The following PLAC1 variants were observed in gnomAD, a reference collection of about 807,000 sequenced individuals.
PLAC1 encodes placenta associated 1, also known as placenta-specific protein 1.
For missense variants in PLAC1, 136 were observed against 163.2 expected (o/e 0.83, Z 0.91); for synonymous variants, 68 against 62.1 (o/e 1.09, Z -0.44).
At chrX:134,583,025 G>A (rs993282569) in intron 2 of PLAC1, among the ~76,000 whole-genome samples, 3 of 111,579 alleles carry the variant, frequency 2.7e-5, no homozygotes, top group Admixed American at 9.6e-5. Context: ...GCATCGGGTC[G>A]TTATGATTAT....
At chrX:134,587,941 G>A (rs1236621789) in intron 2 of PLAC1, among the ~76,000 whole-genome samples, 1 of 111,564 alleles carries the variant, frequency 9.0e-6, no homozygotes, top group African/African-American at 3.3e-5. Context: ...AAAAGGGCAC[G>A]TTTCATGCAG....
At chrX:134,760,753 C>A (rs2078767802) in intron 1 of PLAC1, among the ~76,000 whole-genome samples, 1 of 111,574 alleles carries the variant, frequency 9.0e-6, no homozygotes, top group African/African-American at 3.3e-5. Flanking sequence ...CTTTGCAGCT[C>A]CTCACATTCC....
At chrX:134,733,140 G>A (rs780240598) in intron 2 of PLAC1, among the ~76,000 whole-genome samples, 1 of 111,449 alleles carries the variant, frequency 9.0e-6, no homozygotes, top group African/African-American at 3.3e-5. Context: ...AAGAGCCTGA[G>A]AAACCATTTT....
At chrX:134,704,718 C>T (rs748062818) in intron 2 of PLAC1, among the ~76,000 whole-genome samples, 467 of 102,854 alleles carry the variant, frequency 4.5e-3, no homozygotes, top group Non-Finnish European at 7.6e-3. Context: ...TATGGCTGGG[C>T]GCAGTGGCTC....
intron 2 of PLAC1, among the ~76,000 whole-genome samples, chrX:134,719,207 A>G (rs1021746767): frequency 2.0e-4 from 22 of 111,810 alleles, no homozygotes; most frequent in Non-Finnish European, 3.8e-4. Context: ...TGAGTTGTAC[A>G]CTCTGAAATT....
intron 1 of PLAC1, among the ~76,000 whole-genome samples, chrX:134,633,976 G>A (rs892190561): frequency 9.0e-6 from 1 of 111,286 alleles, no homozygotes; most frequent in Non-Finnish European, 1.9e-5. Flanking sequence ...GGAGCATCAG[G>A]TTCTGGTCCA....
intron 1 of PLAC1, among the ~76,000 whole-genome samples, chrX:134,743,775 A>C (rs773484637): frequency 8.9e-6 from 1 of 112,093 alleles, no homozygotes; most frequent in South Asian, 3.7e-4. Context: ...TCTCAAAATC[A>C]GCAAGAGACT....
chrX:134,707,245 A>G (rs2078607391), intron 2 of PLAC1, among the ~76,000 whole-genome samples: 1 of 112,687 alleles, frequency 8.9e-6, no homozygotes, highest in East Asian at 2.8e-4. Context: ...TTCTTAATGA[A>G]GGGAAAATCA....
chrX:134,613,745 C>T (rs967282480), intron 1 of PLAC1, among the ~76,000 whole-genome samples: 5 of 110,771 alleles, frequency 4.5e-5, no homozygotes, highest in African/African-American at 1.6e-4. Flanking sequence ...CTTCCCCTTT[C>T]TCTGTTTCTA....
chrX:134,689,156 C>T (rs184612287), intron 2 of PLAC1, among the ~76,000 whole-genome samples: 1 of 111,523 alleles, frequency 9.0e-6, no homozygotes, highest in East Asian at 2.8e-4. Context: ...TGGCTGGATT[C>T]CTAGAAGAGC....
At chrX:134,716,883 T>C (rs1400610709) in intron 2 of PLAC1, among the ~76,000 whole-genome samples, 1 of 112,718 alleles carries the variant, frequency 8.9e-6, no homozygotes, top group Non-Finnish European at 1.9e-5. Flanking sequence ...CCTTGGTTCC[T>C]TGTCTGTAAA....
chrX:134,727,221 G>A (rs2078677259), intron 2 of PLAC1, among the ~76,000 whole-genome samples: 1 of 111,804 alleles, frequency 8.9e-6, no homozygotes, highest in African/African-American at 3.2e-5. Flanking sequence ...AGGGCTAGTG[G>A]CATCTCTCTC....
intron 1 of PLAC1, among the ~76,000 whole-genome samples, chrX:134,755,848 TTTTC>T (rs1210495969): frequency 4.1e-4 from 42 of 102,735 alleles, no homozygotes; most frequent in Non-Finnish European, 7.3e-4. Flanking sequence ...TTCTTTTTCC[TTTTC>T]TTTCTTTTTT....
At chrX:134,688,898 A>C (rs1484922122) in intron 2 of PLAC1, among the ~76,000 whole-genome samples, 1 of 111,362 alleles carries the variant, frequency 9.0e-6, no homozygotes, top group Non-Finnish European at 1.9e-5. Flanking sequence ...TACCACCTCC[A>C]ACTCTTTATG....
rs541205611 is a variant in PLAC1 at position 134,578,823 on chromosome X, T to C, written c.-58-12083A>G. On this transcript the variant is annotated intron_variant, in intron 2 of 2. Coordinates refer to ENST00000359237, the MANE Select transcript of PLAC1 (RefSeq NM_021796.4). ...ACTGGGGTGGGGCTGGGGAAATCTC[T>C]AGACAAAAGATATCCAAATTAAAGC... Among the ~76,000 whole-genome samples the C allele has an allele frequency of 9.2e-5, 10 of 109,229 alleles. No homozygotes were observed. The South Asian group carries it at 2.4e-3, about 27-fold the overall frequency. 94.9% of individuals were successfully genotyped at this position (109,229 alleles called of 115,157 possible). A position where few individuals can be genotyped will look rare whatever the true frequency, so the allele number is the denominator to read the frequency against.
chrX:134,688,491 G>T (rs766359438), intron 2 of PLAC1, among the ~76,000 whole-genome samples: 6 of 112,339 alleles, frequency 5.3e-5, no homozygotes, highest in African/African-American at 1.9e-4. Context: ...TTGAAAGGTT[G>T]TATTGGGTGA....
intron 1 of PLAC1, among the ~76,000 whole-genome samples, chrX:134,652,968 G>A (rs752565670): frequency 2.0e-4 from 22 of 112,088 alleles, no homozygotes; most frequent in African/African-American, 6.2e-4. Context: ...CTGCATAACA[G>A]CGCAGGTGGA....
chrX:134,664,538 G>A (rs921561970), intron 2 of PLAC1, among the ~76,000 whole-genome samples: 1 of 111,927 alleles, frequency 8.9e-6, no homozygotes, highest in Non-Finnish European at 1.9e-5. Flanking sequence ...CCATCAGAAA[G>A]TCCTTTGGGG....
intron 2 of PLAC1, among the ~76,000 whole-genome samples, chrX:134,684,610 C>T (rs1156482827): frequency 9.0e-6 from 1 of 111,059 alleles, no homozygotes; most frequent in African/African-American, 3.3e-5. Flanking sequence ...AAAAGTCATC[C>T]ATCAGCTTGG....
Sources: gnomAD v4.1 joint callset for allele counts (sites outside exome capture counted in the v4.1 genomes callset) on GRCh38, gnomAD v4.1.1 for gene constraint, MANE v1.5 for transcripts, NCBI Gene and HGNC (gene_info 2026-07-23, HGNC 2026-07-21) for gene names.